Variants in KCNK5 observed in about 807,000 individuals in gnomAD.
KCNK5 encodes potassium two pore domain channel subfamily K member 5.
KCNK5 carries 18 observed loss-of-function variants against 32.9 expected under a neutral mutation model. That is an observed-to-expected ratio of 0.55 (90% CI 0.38 to 0.81). The LOEUF (loss-of-function observed/expected upper bound fraction) is 0.81, where lower values mean the gene tolerates loss of function less well. Among genes scored for constraint, KCNK5 ranks in the 30% least tolerant of loss-of-function variants. The pLI is 0.00. For missense variants in KCNK5, 507 were observed against 651.0 expected, an observed-to-expected ratio of 0.78 and a Z score of 2.41; for synonymous variants, 276 against 275.3, an observed-to-expected ratio of 1.00 and a Z score of -0.03.
intron 1 of KCNK5, among the ~76,000 whole-genome samples, chr6:39,202,548 A>T (rs967674370): frequency 1.3e-5 from 2 of 152,188 alleles, no homozygotes; most frequent in African/African-American, 4.8e-5. Context: ...GGAGTGGGAG[A>T]GGTCCCTCAG....
At chr6:39,207,678 G>A (rs1372075072) in intron 1 of KCNK5, among the ~76,000 whole-genome samples, 1 of 152,110 alleles carries the variant, frequency 6.6e-6, no homozygotes, top group Non-Finnish European at 1.5e-5. Flanking sequence ...GGGATACCAG[G>A]GTGTTTGAAG....
chr6:39,224,069 A>G (rs1771606891), intron 1 of KCNK5, among the ~76,000 whole-genome samples: 1 of 142,270 alleles, frequency 7.0e-6, no homozygotes, highest in Admixed American at 7.7e-5. Context: ...AGAGCAGTTA[A>G]CTAAGGCAGA....
At position 39,191,299 on chromosome 6, in the gene KCNK5, C is replaced by T; in HGVS notation, c.1091G>A (p.Ser364Asn). The change falls in exon 5 of 5, where the codon AGC becomes AAC. Residue 364 changes from serine (S) to asparagine (N), a missense_variant. This residue lies in a region of KCNK5 where 252 missense variants were observed against 250.8 expected (regional missense o/e 1.00). Transcript: ENST00000359534. This position sits in a 1 kb window ranked among gnomAD's most constrained non-coding sequence, Gnocchi z 5.8. ...TLEEVSQTLR[S>N]KGHVSRSPDE... ...TGGGGACCTTGATACGTGGCCTTTG[C>T]TCCTCAGTGTCTGTGACACCTCTTC... is the stretch of plus-strand genomic sequence containing the variant. 2 of 1,614,068 alleles carry T rather than the reference C, an allele frequency of 1.2e-6. No individual in the cohort carries two copies. Among genetic ancestry groups the T allele is most frequent in the Non-Finnish European group, 1.7e-6 (2 of 1,180,024 alleles).
chr6:39,211,521 G>A (rs1263224213), intron 1 of KCNK5, among the ~76,000 whole-genome samples: 6 of 152,198 alleles, frequency 3.9e-5, no homozygotes, highest in Non-Finnish European at 5.9e-5. Flanking sequence ...GAAACCTCGG[G>A]TTCTGGCCCA....
intron 1 of KCNK5, among the ~76,000 whole-genome samples, chr6:39,219,713 G>T (rs1278377873): frequency 6.6e-6 from 1 of 152,150 alleles, no homozygotes; most frequent in African/African-American, 2.4e-5. Flanking sequence ...GGGCCACACA[G>T]CTTTTGGCAT....
Position 39,195,969 on chromosome 6 carries a change from C to T in KCNK5, c.205G>A (p.Gly69Arg), listed in dbSNP as rs1259770846. Residue 69 changes from glycine to arginine, a missense_variant, in exon 2 of 5, where the codon GGA becomes AGA. This residue lies in a region of KCNK5 where 143 missense variants were observed against 219.1 expected (regional missense o/e 0.65). Transcript: ENST00000359534. ...TTCCCTGTGATGGCCACACCCTGTC[C>T]TGCAGCATCAGATACCACCTAAAAT... is the stretch of plus-strand genomic sequence containing the variant. ...KILEVVSDAA[G>R]QGVAITGNQT... The T allele has an allele frequency of 5.6e-6, 9 of 1,612,788 alleles. No homozygotes were observed. The highest frequency in any genetic ancestry group is 3.3e-4 in the Middle Eastern group (2 of 6,070).
intron 1 of KCNK5, among the ~76,000 whole-genome samples, chr6:39,203,051 C>A (rs1771159424): frequency 1.3e-5 from 2 of 152,306 alleles, no homozygotes; most frequent in African/African-American, 2.4e-5. Context: ...CAAGACCCTG[C>A]AGAGATCTGA....
chr6:39,196,001 CAGT>C lies in KCNK5; in HGVS notation c.187-17_187-15del. 3 of 1,593,116 alleles carry C rather than the reference CAGT, an allele frequency of 1.9e-6. No individual in the cohort carries two copies. In the South Asian group the frequency reaches 3.3e-5, roughly 18 times the overall value. ...ATCAGATACCACCTAAAATGAGAAA[CAGT>C]AAAGGTCAGAGCTGAGGCCACACTT... On this transcript the variant is annotated splice_polypyrimidine_tract_variant and intron_variant, in intron 1 of 4. Coordinates refer to ENST00000359534, the MANE Select transcript of KCNK5 (RefSeq NM_003740.4).
At chr6:39,195,149 A>C (rs1359548706) in intron 2 of KCNK5, among the ~76,000 whole-genome samples, 3 of 152,168 alleles carry the variant, frequency 2.0e-5, no homozygotes, top group Non-Finnish European at 2.9e-5. Flanking sequence ...TGCTCACATC[A>C]AGGTGTCATC....
chr6:39,219,899 T>C (rs1235131822), intron 1 of KCNK5, among the ~76,000 whole-genome samples: 1 of 152,144 alleles, frequency 6.6e-6, no homozygotes, highest in Non-Finnish European at 1.5e-5. Context: ...TAACTAGCAC[T>C]CCAAGCCTTT....
At chr6:39,208,104 G>A (rs1269953234) in intron 1 of KCNK5, among the ~76,000 whole-genome samples, 2 of 152,124 alleles carry the variant, frequency 1.3e-5, no homozygotes, top group African/African-American at 4.8e-5. Flanking sequence ...GCAGCTTAGG[G>A]TAATAAGTAA....
chr6:39,193,537 A>G (rs1770977448), intron 4 of KCNK5, among the ~76,000 whole-genome samples: 2 of 152,268 alleles, frequency 1.3e-5, no homozygotes, highest in African/African-American at 4.8e-5. Flanking sequence ...GGCCACAAAC[A>G]CAAGTACATG....
Position 39,209,269 on chromosome 6 carries a change from C to T in KCNK5, c.187-13282G>A, listed in dbSNP as rs138022234. ...AATAGTGTAGGAAAGAAGAGGGAGC[C>T]TATACATGTGGCTGCTATCCCCTGA... On this transcript the variant is annotated intron_variant, in intron 1 of 4. Transcript: ENST00000359534. Among the ~76,000 whole-genome samples the T allele has an allele frequency of 1.6e-3, 244 of 152,244 alleles. No individual in the cohort carries two copies. In the Middle Eastern group the frequency reaches 0.024, roughly 15 times the overall value.
chr6:39,191,308 G>A lies in KCNK5; in HGVS notation c.1082C>T (p.Thr361Ile), dbSNP rs761837668. ...TGATACGTGGCCTTTGCTCCTCAGT[G>A]TCTGTGACACCTCTTCCAAGGTGGG... ...RVPTLEEVSQ[T>I]LRSKGHVSRS... The change falls in exon 5 of 5, where the codon ACA becomes ATA. Residue 361 changes from threonine to isoleucine, a missense_variant. Transcript: ENST00000359534. The surrounding 1 kb of genome is among the most constrained non-coding windows in gnomAD (Gnocchi z 5.8). 23 of 1,613,922 alleles carry A rather than the reference G, an allele frequency of 1.4e-5. No individual in the cohort carries two copies. The Admixed American group carries it at 3.8e-4, about 27-fold the overall frequency.
intron 1 of KCNK5, among the ~76,000 whole-genome samples, chr6:39,221,868 A>G (rs1478410631): frequency 6.6e-6 from 1 of 152,138 alleles, no homozygotes; most frequent in Admixed American, 6.5e-5. Context: ...CCCACCACTG[A>G]GCACTTTGGA....
rs1395068270 is a variant in KCNK5 at position 39,194,770 on chromosome 6, G to A, written c.299-10C>T. 16 of 1,613,420 alleles carry A rather than the reference G, an allele frequency of 9.9e-6. No individual in the cohort carries two copies. The highest frequency in any genetic ancestry group is 1.3e-5 in the African/African-American group (1 of 74,896). ...GCCACATTGCCATATCCTGAGGAAG[G>A]AGAGAGTGAGGCCAAGAACAGGAGG... On this transcript the variant is annotated splice_polypyrimidine_tract_variant and intron_variant, in intron 2 of 4. Transcript: ENST00000359534. This position sits in a 1 kb window ranked among gnomAD's most constrained non-coding sequence, Gnocchi z 4.7.
At position 39,192,837 on chromosome 6, in the gene KCNK5, G is replaced by A. The variant is rs548003633; in HGVS notation, c.635-1082C>T. Among the ~76,000 whole-genome samples the A allele has an allele frequency of 4.6e-5, 7 of 152,190 alleles. No individual in the cohort carries two copies. The South Asian group carries it at 1.0e-3, about 23-fold the overall frequency. On this transcript the variant is annotated intron_variant, in intron 4 of 4. Coordinates refer to ENST00000359534, the MANE Select transcript of KCNK5 (RefSeq NM_003740.4). ...TGACCTGTATTCCATTTGCCCCCTC[G>A]ACTAGATACAAGAGCAACTTACAGA...
chr6:39,194,164 C>T lies in KCNK5; in HGVS notation c.634+5G>A, dbSNP rs1380508773. On this transcript the variant is annotated splice_donor_5th_base_variant and intron_variant, in intron 4 of 4. Coordinates refer to ENST00000359534, the MANE Select transcript of KCNK5 (RefSeq NM_003740.4). This position sits in a 1 kb window ranked among gnomAD's most constrained non-coding sequence, Gnocchi z 4.7. ...AAGAGGTGGGAGGCAGAGGCAGGGA[C>T]TCACCGGCCACAAAGTCACCGAAGC... 2 of 1,614,022 alleles carry T rather than the reference C, an allele frequency of 1.2e-6. No homozygotes were observed. The highest frequency in any genetic ancestry group is 1.1e-5 in the South Asian group (1 of 91,068).
intron 1 of KCNK5, among the ~76,000 whole-genome samples, chr6:39,198,945 A>C (rs1360616864): frequency 6.6e-6 from 1 of 152,210 alleles, no homozygotes; most frequent in African/African-American, 2.4e-5. Context: ...TATGTCTGGA[A>C]CAGGGGTTCT....
Sources: gnomAD v4.1 joint callset for allele counts (sites outside exome capture counted in the v4.1 genomes callset) on GRCh38, gnomAD v4.1.1 for gene constraint, gnomAD v4.1.1 regional missense constraint, Gnocchi (gnomAD v3.1) non-coding constraint, MANE v1.5 for transcripts, NCBI Gene and HGNC (gene_info 2026-07-23, HGNC 2026-07-21) for gene names.